NAV2: variants seen among roughly 807,000 people sequenced by gnomAD.
NAV2 encodes the protein neuron navigator 2.
A neutral mutation model predicts 223.2 loss-of-function variants in NAV2; 54 were observed. The observed-to-expected ratio is 0.24, with a 90% CI of 0.19 to 0.30. The LOEUF is 0.30. Among genes scored for constraint, NAV2 ranks in the 10% least tolerant of loss-of-function variants. The probability of loss-of-function intolerance (pLI) is 1.00; values close to 1 mark genes in which losing one functional copy is unlikely to be tolerated. For synonymous variants in NAV2, 1,279 were observed against 1,239.3 expected (o/e 1.03, Z -0.67); for missense variants, 2,806 against 3,147.5 (o/e 0.89, Z 2.60).
intron 11 of NAV2, among the ~76,000 whole-genome samples, chr11:20,028,775 G>C (rs904831843): frequency 2.0e-5 from 3 of 152,122 alleles, no homozygotes; most frequent in Non-Finnish European, 4.4e-5. Context: ...TGGTAACGCT[G>C]TCAGTGGTGG....
At chr11:19,493,391 C>T (rs940165944) in intron 1 of NAV2, among the ~76,000 whole-genome samples, 4 of 152,172 alleles carry the variant, frequency 2.6e-5, no homozygotes, top group South Asian at 2.1e-4. Flanking sequence ...GAGAGACACG[C>T]CAATAGCTTT....
intron 11 of NAV2, among the ~76,000 whole-genome samples, chr11:20,029,243 A>T (rs2245449): frequency 1.3e-5 from 2 of 152,290 alleles, no homozygotes; most frequent in East Asian, 3.9e-4. Context: ...AGAAGAGAAG[A>T]CTGGGGCCTG....
At chr11:19,869,590 C>A (rs2062337420) in intron 4 of NAV2, among the ~76,000 whole-genome samples, 1 of 152,152 alleles carries the variant, frequency 6.6e-6, no homozygotes, top group African/African-American at 2.4e-5. Flanking sequence ...GAATTCTCAG[C>A]CACCTCAGAC....
At chr11:19,693,784 AGGAAGGATAGAACAT>A (rs1432965377) in intron 1 of NAV2, among the ~76,000 whole-genome samples, 1 of 152,186 alleles carries the variant, frequency 6.6e-6, no homozygotes, top group East Asian at 1.9e-4. Flanking sequence ...GCACTGTTCT[AGGAAGGATAGAACAT>A]GGAAGACCCT....
At chr11:19,502,489 A>G (rs1464591723) in intron 1 of NAV2, among the ~76,000 whole-genome samples, 2 of 152,184 alleles carry the variant, frequency 1.3e-5, no homozygotes, top group African/African-American at 2.4e-5. Context: ...TCATAGTGCA[A>G]TTAAGATGAA....
intron 20 of NAV2, among the ~76,000 whole-genome samples, chr11:20,063,434 A>C (rs1422293028): frequency 6.6e-6 from 1 of 152,150 alleles, no homozygotes; most frequent in Non-Finnish European, 1.5e-5. Context: ...GTAAAGTGGC[A>C]CGACCTTGGC....
chr11:20,037,252 C>G (rs192387579), intron 12 of NAV2, among the ~76,000 whole-genome samples: 1 of 146,234 alleles, frequency 6.8e-6, no homozygotes, highest in Admixed American at 7.1e-5. Context: ...AGCACTGCCC[C>G]GTCTTTCACT....
At chr11:19,652,556 C>G (rs767873570) in intron 1 of NAV2, among the ~76,000 whole-genome samples, 1 of 152,328 alleles carries the variant, frequency 6.6e-6, no homozygotes, top group African/African-American at 2.4e-5. Flanking sequence ...CCCCACTCCA[C>G]GCCCACCACT....
At chr11:19,582,797 T>C (rs1172206293) in intron 1 of NAV2, among the ~76,000 whole-genome samples, 18 of 151,784 alleles carry the variant, frequency 1.2e-4, no homozygotes, top group Non-Finnish European at 1.9e-4. Flanking sequence ...AGTCAGGTAG[T>C]GTGATGTCTC....
chr11:19,741,509 T>C (rs1489208635), intron 1 of NAV2, among the ~76,000 whole-genome samples: 2 of 150,122 alleles, frequency 1.3e-5, no homozygotes, highest in Non-Finnish European at 3.0e-5. Flanking sequence ...TTTTTTTTTT[T>C]TTTTAAAGAT....
At chr11:19,683,319 T>A (rs1163885809) in intron 1 of NAV2, among the ~76,000 whole-genome samples, 1 of 152,182 alleles carries the variant, frequency 6.6e-6, no homozygotes, top group Admixed American at 6.5e-5. Context: ...ACAGAAAGCC[T>A]CATGGCAGCA....
At chr11:19,542,984 A>G (rs1055930894) in intron 1 of NAV2, among the ~76,000 whole-genome samples, 2 of 147,316 alleles carry the variant, frequency 1.4e-5, no homozygotes, top group African/African-American at 5.4e-5. Context: ...TTTCCATGTC[A>G]CTGGTTGAGC....
At position 19,893,111 on chromosome 11, in the gene NAV2, A is replaced by C. The variant is rs549792072; in HGVS notation, c.931+517A>C. 1.9e-4 allele frequency among the ~76,000 whole-genome samples: 28 copies of C among 150,926 alleles called. 1 individual carries two copies. The South Asian group carries it at 5.7e-3, about 31-fold the overall frequency. On this transcript the variant is annotated intron_variant, in intron 6 of 37. Transcript: ENST00000349880. ...GGACAGCATTGCTCTAGGAGTTGTGATGATGTAACTTTTGCCATAAAAGGA... is the reference window on the plus strand; with the variant it reads ...GGACAGCATTGCTCTAGGAGTTGTGCTGATGTAACTTTTGCCATAAAAGGA...
intron 19 of NAV2, among the ~76,000 whole-genome samples, chr11:20,057,661 G>A (rs758413149): frequency 3.3e-5 from 5 of 152,202 alleles, no homozygotes; most frequent in Non-Finnish European, 7.3e-5. Context: ...ATTTGCATAT[G>A]GAGTTTGTCC....
At chr11:19,551,417 C>T (rs2044686567) in intron 1 of NAV2, among the ~76,000 whole-genome samples, 1 of 152,230 alleles carries the variant, frequency 6.6e-6, no homozygotes, top group Non-Finnish European at 1.5e-5. Context: ...CCCCTGGGTT[C>T]CACGGCAAGT....
At chr11:19,823,134 T>G (rs1480994479) in intron 1 of NAV2, among the ~76,000 whole-genome samples, 3 of 152,166 alleles carry the variant, frequency 2.0e-5, no homozygotes, top group South Asian at 4.1e-4. Context: ...AGCCTCGACC[T>G]CCTGGGCTCA....
At position 19,713,760 on chromosome 11, in the gene NAV2, C is replaced by A; in HGVS notation, c.65C>A (p.Ala22Glu). ...CTGCCCAAACCCGTGCACAGCGCCG[C>A]GCCCATCCTGCACGTGCCCCCGGCC... is the stretch of plus-strand genomic sequence containing the variant. ...SGLPKPVHSAAPILHVPPARA... is the reference protein window; with the variant it reads ...SGLPKPVHSAEPILHVPPARA... The change falls in exon 1 of 38, where the codon GCG (alanine) becomes GAG (glutamate). Residue 22 changes from alanine to glutamate, a missense_variant. Physicochemically the swap from Ala to Glu is moderately radical, Grantham distance 107. This residue lies in a region of NAV2 where 1,167 missense variants were observed against 1,180.5 expected (regional missense o/e 0.99). Coordinates refer to ENST00000349880, the MANE Select transcript of NAV2 (RefSeq NM_145117.5). The surrounding 1 kb of genome is among the most constrained non-coding windows in gnomAD (Gnocchi z 7.2). The A allele has an allele frequency of 1.9e-6, 3 of 1,612,538 alleles. No individual in the cohort carries two copies. The highest frequency in any genetic ancestry group is 2.5e-6 in the Non-Finnish European group (3 of 1,179,532).
intron 19 of NAV2, among the ~76,000 whole-genome samples, chr11:20,058,831 G>A (rs992478106): frequency 6.6e-6 from 1 of 152,152 alleles, no homozygotes; most frequent in African/African-American, 2.4e-5. Context: ...ATGAATCTTG[G>A]AAAGCATTTA....
At chr11:19,627,125 C>T (rs759150600) in intron 1 of NAV2, among the ~76,000 whole-genome samples, 14 of 152,130 alleles carry the variant, frequency 9.2e-5, no homozygotes, top group Admixed American at 2.0e-4. Flanking sequence ...CGGTGACTCA[C>T]GCCTGTAATC....
Sources: allele counts gnomAD v4.1 joint callset (sites outside exome capture counted in the v4.1 genomes callset), GRCh38; gene constraint gnomAD v4.1.1; regional missense constraint gnomAD v4.1.1; non-coding constraint Gnocchi (gnomAD v3.1); transcripts MANE v1.5; gene names NCBI Gene and HGNC (gene_info 2026-07-23, HGNC 2026-07-21).